Variants in ROBO1 observed in about 807,000 individuals in gnomAD.
ROBO1 encodes the protein roundabout homolog 1.
In ROBO1, 149 loss-of-function variants were observed where a neutral mutation model predicts 195.9. That is an observed-to-expected ratio of 0.76 (90% CI 0.67 to 0.87). The LOEUF (loss-of-function observed/expected upper bound fraction) is 0.87. Among genes scored for constraint, ROBO1 ranks in the 40% least tolerant of loss-of-function variants. The probability of loss-of-function intolerance (pLI) is 0.00; values close to 1 mark genes in which losing one functional copy is unlikely to be tolerated. For synonymous variants in ROBO1, 816 were observed against 733.2 expected (o/e 1.11, Z -1.82); for missense variants, 1,933 against 2,068.3 (o/e 0.93, Z 1.27).
At chr3:79,282,410 G>C (rs1207490160) in intron 2 of ROBO1, among the ~76,000 whole-genome samples, 1 of 152,180 alleles carries the variant, frequency 6.6e-6, no homozygotes, top group African/African-American at 2.4e-5. Context: ...ATAAGGTCCT[G>C]CTATTGTGGG....
intron 3 of ROBO1, among the ~76,000 whole-genome samples, chr3:78,992,162 G>A (rs776515468): frequency 5.9e-5 from 9 of 152,092 alleles, no homozygotes; most frequent in African/African-American, 1.7e-4. Flanking sequence ...GACAAAGAAC[G>A]TGGTGCCATA....
At chr3:79,061,703 T>A (rs1428464666) in intron 3 of ROBO1, among the ~76,000 whole-genome samples, 1 of 152,242 alleles carries the variant, frequency 6.6e-6, no homozygotes, top group East Asian at 1.9e-4. Context: ...ACTACACATC[T>A]ACAACCATCT....
intron 1 of ROBO1, among the ~76,000 whole-genome samples, chr3:79,755,644 T>A (rs145915016): frequency 1.0e-4 from 15 of 150,144 alleles, no homozygotes; most frequent in African/African-American, 2.7e-4. Context: ...ATAATCAGAA[T>A]GTGAATCATT....
chr3:79,254,777 T>G (rs966006177), intron 2 of ROBO1, among the ~76,000 whole-genome samples: 2 of 152,170 alleles, frequency 1.3e-5, no homozygotes, highest in African/African-American at 4.8e-5. Context: ...CTTCTCCAAT[T>G]AGGCAGTAAA....
At chr3:79,409,221 A>G (rs2037672481) in intron 2 of ROBO1, among the ~76,000 whole-genome samples, 1 of 152,156 alleles carries the variant, frequency 6.6e-6, no homozygotes, top group African/African-American at 2.4e-5. Context: ...TTAATGACCA[A>G]TGAAATATTT....
intron 1 of ROBO1, among the ~76,000 whole-genome samples, chr3:79,755,129 C>T (rs1278420092): frequency 2.0e-5 from 3 of 152,166 alleles, no homozygotes. Context: ...ATCCATCTGC[C>T]TCTGCCTCCC....
At chr3:79,348,595 C>T (rs1424968718) in intron 2 of ROBO1, among the ~76,000 whole-genome samples, 2 of 152,140 alleles carry the variant, frequency 1.3e-5, no homozygotes, top group Non-Finnish European at 2.9e-5. Flanking sequence ...ATGGAGAAGA[C>T]ATCCTATTGG....
At chr3:79,142,840 T>C (rs2080555774) in intron 2 of ROBO1, among the ~76,000 whole-genome samples, 1 of 152,130 alleles carries the variant, frequency 6.6e-6, no homozygotes, top group Non-Finnish European at 1.5e-5. Flanking sequence ...GTTCTATATA[T>C]TGACAGAATT....
intron 2 of ROBO1, among the ~76,000 whole-genome samples, chr3:79,376,532 C>T (rs1288315903): frequency 1.3e-5 from 2 of 152,086 alleles, no homozygotes; most frequent in African/African-American, 2.4e-5. Flanking sequence ...ATCATGGGGG[C>T]AGGTCTTCCC....
At chr3:78,693,299 G>C (rs1489143363) in intron 8 of ROBO1, 15 of 1,548,970 alleles carry the variant, frequency 9.7e-6, no homozygotes, top group Non-Finnish European at 1.3e-5. Context: ...AGAAGTTCCA[G>C]TCACAGTGAC....
intron 4 of ROBO1, among the ~76,000 whole-genome samples, chr3:78,927,161 C>A (rs1395796803): frequency 6.6e-6 from 1 of 152,158 alleles, no homozygotes; most frequent in Admixed American, 6.5e-5. Context: ...GTCGGTAAAG[C>A]TCCATATTTG....
At chr3:79,309,134 G>A (rs927070613) in intron 2 of ROBO1, among the ~76,000 whole-genome samples, 5 of 152,112 alleles carry the variant, frequency 3.3e-5, no homozygotes, top group African/African-American at 4.8e-5. Context: ...TTTTTAGAGG[G>A]GAAAATTCAT....
chr3:79,042,591 T>C (rs1049330560), intron 3 of ROBO1, among the ~76,000 whole-genome samples: 1 of 152,184 alleles, frequency 6.6e-6, no homozygotes, highest in African/African-American at 2.4e-5. Flanking sequence ...TAACAGATGA[T>C]ATCATATTTC....
At chr3:79,391,531 C>T (rs2036950199) in intron 2 of ROBO1, among the ~76,000 whole-genome samples, 1 of 152,034 alleles carries the variant, frequency 6.6e-6, no homozygotes, top group African/African-American at 2.4e-5. Context: ...CTCCCACAAA[C>T]CTCCCACTTC....
chr3:78,639,914 AT>A lies in ROBO1; in HGVS notation c.2883-17del, dbSNP rs1303823455. 2.4e-5 allele frequency: 36 copies of A among 1,506,344 alleles called. No individual in the cohort carries two copies. Among genetic ancestry groups the A allele is most frequent in the Non-Finnish European group, 3.0e-5 (34 of 1,122,986 alleles). 93.3% of individuals were successfully genotyped at this position (1,506,344 alleles called of 1,614,324 possible). On this transcript the variant is annotated splice_polypyrimidine_tract_variant and intron_variant, in intron 21 of 30. Coordinates refer to ENST00000464233, the MANE Select transcript of ROBO1 (RefSeq NM_002941.4). ...AAGTCCAGGCCTAAATAAAAAAAAA[AT>A]ATTAAAGCAAATGTTATATGAATAG...
intron 2 of ROBO1, among the ~76,000 whole-genome samples, chr3:79,486,909 A>G (rs1939188216): frequency 6.6e-6 from 1 of 152,172 alleles, no homozygotes; most frequent in African/African-American, 2.4e-5. Context: ...ATCAGCAAAG[A>G]CAACTTTAGA....
intron 2 of ROBO1, among the ~76,000 whole-genome samples, chr3:79,467,627 C>A (rs1938036625): frequency 6.6e-6 from 1 of 152,086 alleles, no homozygotes; most frequent in Non-Finnish European, 1.5e-5. Context: ...TTTGGGCTCA[C>A]CACCCATCCC....
chr3:79,725,510 G>A (rs954762941), intron 1 of ROBO1, among the ~76,000 whole-genome samples: 6 of 152,140 alleles, frequency 3.9e-5, no homozygotes, highest in Non-Finnish European at 7.3e-5. Context: ...ACAGGCGTGA[G>A]CCACCGCGCC....
chr3:79,224,149 T>C (rs1456454123), intron 2 of ROBO1, among the ~76,000 whole-genome samples: 2 of 152,082 alleles, frequency 1.3e-5, no homozygotes, highest in African/African-American at 4.8e-5. Context: ...AAATTCTCAA[T>C]AGACAGAAAA....
Sources: allele counts gnomAD v4.1 joint callset (sites outside exome capture counted in the v4.1 genomes callset), GRCh38; gene constraint gnomAD v4.1.1; transcripts MANE v1.5; gene names NCBI Gene and HGNC (gene_info 2026-07-23, HGNC 2026-07-21).